Variants in SCN10A observed in about 807,000 individuals in gnomAD.
SCN10A encodes sodium channel protein type 10 subunit alpha.
A neutral mutation model predicts 170.7 loss-of-function variants in SCN10A; 162 were observed. That is an observed-to-expected ratio of 0.95 (90% confidence interval 0.84 to 1.08). The LOEUF (loss-of-function observed/expected upper bound fraction) is 1.08. Among genes scored for constraint, SCN10A ranks in the 50% least tolerant of loss-of-function variants. The probability of loss-of-function intolerance (pLI) is 0.00; values close to 1 mark genes in which losing one functional copy is unlikely to be tolerated. For missense variants in SCN10A, 2,527 were observed against 2,436.9 expected (o/e 1.04, Z -0.78); for synonymous variants, 985 against 904.6 (o/e 1.09, Z -1.59).
At chr3:38,808,770 G>T (rs184557159) in intron 1 of SCN10A, among the ~76,000 whole-genome samples, 12 of 152,328 alleles carry the variant, frequency 7.9e-5, no homozygotes, top group Admixed American at 1.3e-4. Flanking sequence ...AGAGGAGCTT[G>T]ATGCTGAAAT....
chr3:38,808,907 A>G (rs921174304), intron 1 of SCN10A, among the ~76,000 whole-genome samples: 2 of 152,218 alleles, frequency 1.3e-5, no homozygotes, highest in Non-Finnish European at 2.9e-5. Context: ...GGGGTTAGGT[A>G]GCCCTGGATG....
intron 6 of SCN10A, among the ~76,000 whole-genome samples, chr3:38,762,609 A>G (rs1249309684): frequency 6.6e-6 from 1 of 152,112 alleles, no homozygotes; most frequent in Non-Finnish European, 1.5e-5. Context: ...AAGAGACAGT[A>G]TGGACAGACC....
chr3:38,756,901 T>G (rs1419827045), intron 9 of SCN10A, 30 bp from the exon 10 acceptor site: 1 of 1,612,512 alleles, frequency 6.2e-7, no homozygotes. Flanking sequence ...AAGAGAAACC[T>G]GTACCCATAG....
At chr3:38,737,293 T>G (rs1218915151) in intron 15 of SCN10A, among the ~76,000 whole-genome samples, 2 of 151,702 alleles carry the variant, frequency 1.3e-5, no homozygotes, top group African/African-American at 4.9e-5. Context: ...GAAAACTAAC[T>G]GTGGGCCTGC....
intron 8 of SCN10A, among the ~76,000 whole-genome samples, chr3:38,759,266 G>T (rs2063842002): frequency 6.6e-6 from 1 of 152,088 alleles, no homozygotes; most frequent in South Asian, 2.1e-4. Context: ...TTGATCTTTT[G>T]CCTAAAGTCT....
At chr3:38,786,030 G>C (rs891961934) in intron 4 of SCN10A, among the ~76,000 whole-genome samples, 2 of 152,122 alleles carry the variant, frequency 1.3e-5, no homozygotes, top group African/African-American at 4.8e-5. Flanking sequence ...ACTGTTGGTG[G>C]GAGTGTAAAT....
chr3:38,719,383 T>C (rs2063365429), intron 20 of SCN10A, among the ~76,000 whole-genome samples: 2 of 40,490 alleles, frequency 4.9e-5, no homozygotes, highest in African/African-American at 4.9e-4. Context: ...TTTTTTTTTT[T>C]TTTTTTTTTT....
At chr3:38,802,784 C>A (rs538447114) in intron 1 of SCN10A, among the ~76,000 whole-genome samples, 4 of 152,116 alleles carry the variant, frequency 2.6e-5, no homozygotes, top group African/African-American at 4.8e-5. Flanking sequence ...GCAACAAAAG[C>A]CAAAATTGAC....
chr3:38,743,683 T>C (rs1302626077), intron 13 of SCN10A, among the ~76,000 whole-genome samples: 1 of 152,206 alleles, frequency 6.6e-6, no homozygotes, highest in East Asian at 1.9e-4. Context: ...CATCTCTTGC[T>C]TTTTCTCCCA....
chr3:38,735,817 C>G (rs150972147), intron 15 of SCN10A, among the ~76,000 whole-genome samples: 2 of 152,218 alleles, frequency 1.3e-5, no homozygotes, highest in African/African-American at 4.8e-5. Context: ...TCCTTTTTCC[C>G]TCCACCTTCC....
chr3:38,755,976 C>G lies in SCN10A; in HGVS notation c.1291-18G>C. 4 of 1,613,998 alleles carry G rather than the reference C, an allele frequency of 2.5e-6. No homozygotes were observed. The highest frequency in any genetic ancestry group is 3.4e-6 in the Non-Finnish European group (4 of 1,179,892). ...GCTAGCACCTGCGAAGAGAGAACAG[C>G]AGGTGTAGCCAATAGTATTTGCTTG... On this transcript the variant is annotated intron_variant, in intron 10 of 27. Coordinates refer to ENST00000449082, the MANE Select transcript of SCN10A (RefSeq NM_006514.4).
intron 5 of SCN10A, among the ~76,000 whole-genome samples, chr3:38,767,772 G>A (rs2063949705): frequency 6.6e-6 from 1 of 152,094 alleles, no homozygotes; most frequent in Non-Finnish European, 1.5e-5. Flanking sequence ...CTAGGTTACA[G>A]TTTAAGTTCA....
intron 15 of SCN10A, among the ~76,000 whole-genome samples, chr3:38,739,002 G>C (rs1356143524): frequency 6.6e-6 from 1 of 152,186 alleles, no homozygotes; most frequent in African/African-American, 2.4e-5. Context: ...TCTGGAGTCA[G>C]ACAACCTGGA....
At chr3:38,747,762 T>C (rs771844291) in intron 13 of SCN10A, among the ~76,000 whole-genome samples, 2 of 152,258 alleles carry the variant, frequency 1.3e-5, no homozygotes, top group Non-Finnish European at 2.9e-5. Flanking sequence ...TCTTGCAGAA[T>C]GCATTGTACT....
chr3:38,767,584 C>T (rs576265608), intron 5 of SCN10A, among the ~76,000 whole-genome samples: 12 of 152,072 alleles, frequency 7.9e-5, no homozygotes, highest in East Asian at 1.9e-4. Context: ...GAGGTTTATT[C>T]GACTGTGCTC....
chr3:38,712,375 CAGA>C lies in SCN10A; in HGVS notation c.3872_3874del (p.Phe1291del). On this transcript the variant is annotated inframe_deletion, in exon 23 of 28. Transcript: ENST00000449082. ...CACACCCATGATGCTGAAGATGAGC[CAGA>C]AGATGAGGCAGACGAGGAGGACATT... The C allele has an allele frequency of 1.2e-6, 2 of 1,614,116 alleles. No homozygotes were observed. The highest frequency in any genetic ancestry group is 1.7e-6 in the Non-Finnish European group (2 of 1,180,012).
At chr3:38,754,756 C>T (rs2063784764) in intron 11 of SCN10A, among the ~76,000 whole-genome samples, 1 of 152,052 alleles carries the variant, frequency 6.6e-6, no homozygotes, top group African/African-American at 2.4e-5. Flanking sequence ...TGTATATGCA[C>T]ACATAAATCT....
At chr3:38,748,390 G>A (rs1213500657) in intron 13 of SCN10A, among the ~76,000 whole-genome samples, 1 of 152,140 alleles carries the variant, frequency 6.6e-6, no homozygotes, top group African/African-American at 2.4e-5. Flanking sequence ...ACAAACTCAG[G>A]TATGCAAGAA....
intron 15 of SCN10A, among the ~76,000 whole-genome samples, chr3:38,729,782 A>C (rs1319768571): frequency 6.6e-6 from 1 of 152,236 alleles, no homozygotes; most frequent in Non-Finnish European, 1.5e-5. Context: ...AGCACCTACT[A>C]AGAGCCAGGC....
Sources: gnomAD v4.1 joint callset for allele counts (sites outside exome capture counted in the v4.1 genomes callset) on GRCh38, gnomAD v4.1.1 for gene constraint, MANE v1.5 for transcripts, NCBI Gene and HGNC (gene_info 2026-07-23, HGNC 2026-07-21) for gene names.